Variants in ARHGEF10 observed in about 807,000 individuals in gnomAD.
The protein encoded by ARHGEF10 is Rho guanine nucleotide exchange factor (GEF) 10.
Under a neutral mutation model 147.4 loss-of-function variants are expected in ARHGEF10, and 140 were observed. The ratio of observed to expected loss-of-function variants is 0.95; its 90% CI spans 0.83 to 1.09. ARHGEF10 has a LOEUF of 1.09. ARHGEF10 is among the 50% of genes least tolerant of loss of function. ARHGEF10 has a pLI of 0.00. For synonymous variants in ARHGEF10, 902 were observed against 695.8 expected (o/e 1.30, Z -4.67); for missense variants, 2,222 against 1,752.7 (o/e 1.27, Z -4.78).
rs1321056692 is a variant in ARHGEF10, at chr8:1,957,524, G to A, written c.*261G>A. On this transcript the variant is annotated 3_prime_UTR_variant, in exon 29 of 29. Coordinates refer to ENST00000349830, the MANE Select transcript of ARHGEF10 (RefSeq NM_014629.4). ...TTCGAGTAATTGAGTGCAGTTCTGG[G>A]AAAATACCACATTCTTTTTGACTGC... 2 of 578,298 alleles carry A rather than the reference G, an allele frequency of 3.5e-6. No individual in the cohort carries two copies. The highest frequency in any genetic ancestry group is 5.9e-5 in the East Asian group (2 of 33,976). The allele number at this position is 578,298 out of a possible 1,614,324, so 35.8% of individuals were successfully genotyped here.
At chr8:1,870,867 C>T (rs920909857) in intron 7 of ARHGEF10, 1 of 152,168 alleles carries the variant, frequency 6.6e-6, no homozygotes, top group Non-Finnish European at 1.5e-5. Context: ...CATCCCAACA[C>T]TTTGGGAGGC....
Position 1,841,870 on chromosome 8 carries a change from CGGCGG to C in ARHGEF10, c.-47-1481_-47-1477del, listed in dbSNP as rs1214777908. Among the ~76,000 whole-genome samples the C allele has an allele frequency of 1.1e-4, 12 of 109,040 alleles. No individual in the cohort carries two copies. In the East Asian group the frequency reaches 2.7e-3, roughly 24 times the overall value. The allele number at this position is 109,040 out of a possible 152,430, so 71.5% of individuals were successfully genotyped here. A position where few individuals can be genotyped will look rare whatever the true frequency, so the allele number is the denominator to read the frequency against. Reference sequence around the variant, plus strand: ...GGGGCCGCGGCGGGAACTGGGGCCGCGGCGGGAACTGGGGCCGCGGCGGGAACTGG... The same window carrying C: ...GGGGCCGCGGCGGGAACTGGGGCCGCGAACTGGGGCCGCGGCGGGAACTGG... On this transcript the variant is annotated intron_variant, in intron 1 of 28. Transcript: ENST00000349830.
At position 1,928,642 on chromosome 8, in the gene ARHGEF10, G is replaced by A. The variant is rs1041694445; in HGVS notation, c.2913G>A (p.Glu971=). The A allele has an allele frequency of 1.2e-6, 2 of 1,614,044 alleles. No individual in the cohort carries two copies. The highest frequency in any genetic ancestry group is 2.7e-5 in the African/African-American group (2 of 74,914). Residue 971 remains glutamate, a synonymous_variant, in exon 24 of 29, where the codon GAG becomes GAA. Transcript: ENST00000349830. The part of the protein sequence containing the change: ...SDVPTICVGT[E]EGSISIYKSS... ...TCCCCACGATCTGTGTAGGGACGGA[G>A]GAGGGAAGGTAGGGCATGCTCACTG...
intron 15 of ARHGEF10, among the ~76,000 whole-genome samples, chr8:1,900,004 G>A (rs1810325345): frequency 6.6e-6 from 1 of 152,228 alleles, no homozygotes; most frequent in Non-Finnish European, 1.5e-5. Flanking sequence ...GTCGTTCTTG[G>A]TCGCCAGGGA....
chr8:1,889,906 C>G lies in ARHGEF10; in HGVS notation c.1183-3663C>G, dbSNP rs1463041607. Among the ~76,000 whole-genome samples, 6 of 100,228 alleles carry G rather than the reference C, an allele frequency of 6.0e-5. 2 individuals carry two copies. Among genetic ancestry groups the G allele is most frequent in the African/African-American group, 2.6e-4 (6 of 22,730 alleles). The allele number at this position is 100,228 out of a possible 152,430, so 65.8% of individuals were successfully genotyped here. On this transcript the variant is annotated intron_variant, in intron 11 of 28. Transcript: ENST00000349830. The stretch of plus-strand genomic sequence containing the variant: ...GTGAGGAGACACTGCATGGGGTGAA[C>G]TTTGTTAGGAGGCAGTGAGTGGGGC...
chr8:1,883,090 T>C (rs1393039646), intron 10 of ARHGEF10, among the ~76,000 whole-genome samples: 3 of 152,198 alleles, frequency 2.0e-5, no homozygotes, highest in Non-Finnish European at 4.4e-5. Flanking sequence ...CTGGGCATGG[T>C]CCCGCAGGGA....
At chr8:1,900,888 G>A (rs537764642) in intron 15 of ARHGEF10, among the ~76,000 whole-genome samples, 1 of 152,176 alleles carries the variant, frequency 6.6e-6, no homozygotes, top group South Asian at 2.1e-4. Flanking sequence ...TCCCACACAG[G>A]GTCTGTTGCC....
chr8:1,888,234 G>T lies in ARHGEF10; in HGVS notation c.1182+2527G>T, dbSNP rs78877682. On this transcript the variant is annotated intron_variant, in intron 11 of 28. Coordinates refer to ENST00000349830, the MANE Select transcript of ARHGEF10 (RefSeq NM_014629.4). ...GGGGCGAGGGTTGCGAGGAGACAGT[G>T]AGTGTGGTGAGGGTTGCGAGGAGAT... Among the ~76,000 whole-genome samples, 243 of 63,856 alleles carry T rather than the reference G, an allele frequency of 3.8e-3. 2 individuals carry two copies. The highest frequency in any genetic ancestry group is 0.024 in the East Asian group (22 of 916). The allele number at this position is 63,856 out of a possible 152,430, so 41.9% of individuals were successfully genotyped here.
chr8:1,860,348 CCGA>C (rs1563191456), intron 4 of ARHGEF10, among the ~76,000 whole-genome samples, 164 bp downstream of exon 4: 14 of 146,916 alleles, frequency 9.5e-5, no homozygotes, highest in East Asian at 4.3e-4. Flanking sequence ...CTCCATGCCC[CCGA>C]TGTGGCCTGT....
chr8:1,949,530 C>T (rs894972264), intron 27 of ARHGEF10, among the ~76,000 whole-genome samples: 1 of 152,084 alleles, frequency 6.6e-6, no homozygotes, highest in Non-Finnish European at 1.5e-5. Flanking sequence ...CTGCTCTGTC[C>T]CGCATGTTCA....
chr8:1,859,101 C>T (rs1805860115), intron 3 of ARHGEF10, among the ~76,000 whole-genome samples: 1 of 144,416 alleles, frequency 6.9e-6, no homozygotes, highest in Non-Finnish European at 1.5e-5. Context: ...TAGTACCCGC[C>T]TCTCTGCTTG....
intron 2 of ARHGEF10, among the ~76,000 whole-genome samples, chr8:1,846,623 G>C (rs1040216191): frequency 3.3e-5 from 5 of 152,022 alleles, no homozygotes; most frequent in Non-Finnish European, 7.4e-5. Context: ...TCTCACCCAG[G>C]CTGGAGTGAA....
chr8:1,854,908 C>G (rs1805435435), intron 2 of ARHGEF10, among the ~76,000 whole-genome samples: 1 of 152,060 alleles, frequency 6.6e-6, no homozygotes, highest in Non-Finnish European at 1.5e-5. Flanking sequence ...CATACCTGTA[C>G]CTGGCACACG....
rs144142470 is a variant in ARHGEF10 at position 1,957,142 on chromosome 8, C to T, written c.3914C>T (p.Ser1305Leu). Residue 1305 changes from serine (S) to leucine (L), a missense_variant, in exon 29 of 29, where the codon TCG (serine) becomes TTG (leucine). By Grantham distance (145) the Ser-to-Leu change is moderately radical. Coordinates refer to ENST00000349830, the MANE Select transcript of ARHGEF10 (RefSeq NM_014629.4). ...CGGGCCAAGAAAGCCAAGGCCAGCT[C>T]GGCGCTGGTGGTCTGTGGAGGGCAG... ...ARRAKKAKAS[S>L]ALVVCGGQGH... 62 of 1,612,798 alleles carry T rather than the reference C, an allele frequency of 3.8e-5. No homozygotes were observed. The African/African-American group carries it at 4.3e-4, about 11-fold the overall frequency.
intron 21 of ARHGEF10, among the ~76,000 whole-genome samples, chr8:1,924,936 C>G (rs951117112): frequency 6.6e-6 from 1 of 152,166 alleles, no homozygotes; most frequent in Admixed American, 6.5e-5. Flanking sequence ...TGAATCTAAA[C>G]ATTTCTTTTG....
At position 1,923,597 on chromosome 8, in the gene ARHGEF10, TTAG is replaced by T. The variant is rs1249236570; in HGVS notation, c.2387+9_2387+11del. On this transcript the variant is annotated splice_donor_5th_base_variant and intron_variant, in intron 20 of 28. Coordinates refer to ENST00000349830, the MANE Select transcript of ARHGEF10 (RefSeq NM_014629.4). The stretch of plus-strand genomic sequence containing the variant: ...ACAGCTTCCCGGGAAGCAGGACAAG[TTAG>T]TAGTAGCTTTAAAACGAAACCTTCT... 9 of 1,614,056 alleles carry T rather than the reference TTAG, an allele frequency of 5.6e-6. No individual in the cohort carries two copies. The South Asian group carries it at 6.6e-5, about 12-fold the overall frequency.
chr8:1,895,533 A>G (rs1346754415), intron 13 of ARHGEF10, among the ~76,000 whole-genome samples: 2 of 152,256 alleles, frequency 1.3e-5, no homozygotes, highest in Non-Finnish European at 2.9e-5. Context: ...CCTTAAAAAA[A>G]GAGAAATATT....
intron 2 of ARHGEF10, among the ~76,000 whole-genome samples, chr8:1,857,119 G>C (rs1805609745): frequency 6.6e-6 from 1 of 152,166 alleles, no homozygotes; most frequent in Non-Finnish European, 1.5e-5. Context: ...TATTAACCAT[G>C]CTCTTTAATA....
intron 15 of ARHGEF10, among the ~76,000 whole-genome samples, chr8:1,900,858 G>A (rs552400002): frequency 1.3e-5 from 2 of 152,122 alleles, no homozygotes; most frequent in East Asian, 1.9e-4. Context: ...TCCTTGCCTC[G>A]AGAGACCCTC....
Sources: allele counts gnomAD v4.1 joint callset (sites outside exome capture counted in the v4.1 genomes callset), GRCh38; gene constraint gnomAD v4.1.1; transcripts MANE v1.5; gene names NCBI Gene and HGNC (gene_info 2026-07-23, HGNC 2026-07-21).